GALNT1: variants seen among roughly 807,000 people sequenced by gnomAD.
GALNT1 encodes the protein polypeptide N-acetylgalactosaminyltransferase 1.
A neutral mutation model predicts 65.7 loss-of-function variants in GALNT1; 17 were observed. That is an observed-to-expected ratio of 0.26 (90% confidence interval 0.18 to 0.39). The LOEUF (loss-of-function observed/expected upper bound fraction) is 0.39. Among genes scored for constraint, GALNT1 ranks in the 10% least tolerant of loss-of-function variants. The pLI is 1.00. For missense variants in GALNT1, 460 were observed against 672.8 expected, an observed-to-expected ratio of 0.68 and a Z score of 3.50; for synonymous variants, 210 against 219.7, an observed-to-expected ratio of 0.96 and a Z score of 0.39.
chr18:35,649,794 C>A (rs1421603843), intron 1 of GALNT1, among the ~76,000 whole-genome samples: 1 of 152,110 alleles, frequency 6.6e-6, no homozygotes, highest in African/African-American at 2.4e-5. Flanking sequence ...ATATGGATAT[C>A]TAATTGTTCT....
At chr18:35,697,369 G>A (rs1371202102) in intron 9 of GALNT1, among the ~76,000 whole-genome samples, 1 of 152,132 alleles carries the variant, frequency 6.6e-6, no homozygotes, top group African/African-American at 2.4e-5. Flanking sequence ...TGGGGAGAAG[G>A]AGGTAGATTT....
Position 35,687,140 on chromosome 18 carries a change from C to A in GALNT1, c.814C>A (p.Gln272Lys), listed in dbSNP as rs757625159. 1 of 1,613,724 alleles carries A rather than the reference C, an allele frequency of 6.2e-7. No homozygotes were observed. The change falls in exon 6 of 12, where the codon CAA becomes AAA. Residue 272 changes from glutamine to lysine, a missense_variant. Coordinates refer to ENST00000269195, the MANE Select transcript of GALNT1 (RefSeq NM_020474.4). ...CAATTTTCGCTGGTATCCTGTTCCC[C>A]AAAGAGAAATGGACAGAAGGAAAGG... ...KLNFRWYPVPQREMDRRKGDR... is the reference protein window; with the variant it reads ...KLNFRWYPVPKREMDRRKGDR...
At chr18:35,586,480 G>A (rs1568010777) in intron 1 of GALNT1, among the ~76,000 whole-genome samples, 1 of 151,958 alleles carries the variant, frequency 6.6e-6, no homozygotes, top group Admixed American at 6.6e-5. Context: ...ATTCTTTTTG[G>A]TGTCAAGTCT....
At chr18:35,610,286 C>T (rs1244039709) in intron 1 of GALNT1, among the ~76,000 whole-genome samples, 3 of 152,198 alleles carry the variant, frequency 2.0e-5, no homozygotes, top group African/African-American at 7.2e-5. Flanking sequence ...CTCTTCCAGG[C>T]TGCTTCTCAT....
intron 1 of GALNT1, among the ~76,000 whole-genome samples, chr18:35,632,244 C>G (rs574769426): frequency 6.6e-6 from 1 of 152,284 alleles, no homozygotes; most frequent in South Asian, 2.1e-4. Flanking sequence ...ATTGTCAAGT[C>G]AATCCTAAGC....
Position 35,689,917 on chromosome 18 carries a change from T to C in GALNT1, c.978+627T>C, listed in dbSNP as rs1753917093. ...GAAATCACACTGACGTGTACTGTAA[T>C]CTGAACCAGCGAGCTCACTTTGTTC... On this transcript the variant is annotated intron_variant, in intron 7 of 11. Coordinates refer to ENST00000269195, the MANE Select transcript of GALNT1 (RefSeq NM_020474.4). Among the ~76,000 whole-genome samples the C allele has an allele frequency of 3.3e-5, 5 of 152,224 alleles. No homozygotes were observed. The South Asian group carries it at 1.0e-3, about 31-fold the overall frequency.
chr18:35,698,288 C>T (rs577004956), intron 9 of GALNT1, among the ~76,000 whole-genome samples: 25 of 151,512 alleles, frequency 1.7e-4, no homozygotes, highest in African/African-American at 4.8e-4. Context: ...GCCAACATGC[C>T]GAAACCCCAT....
At chr18:35,586,294 T>A (rs2046377376) in intron 1 of GALNT1, among the ~76,000 whole-genome samples, 1 of 152,232 alleles carries the variant, frequency 6.6e-6, no homozygotes, top group Non-Finnish European at 1.5e-5. Context: ...TTGTTTGTCC[T>A]TTTTACTATT....
chr18:35,583,020 C>T (rs1028956036), intron 1 of GALNT1, among the ~76,000 whole-genome samples: 1 of 152,208 alleles, frequency 6.6e-6, no homozygotes, highest in Non-Finnish European at 1.5e-5. Context: ...ATTATACATA[C>T]ATTTGTTGTG....
intron 1 of GALNT1, among the ~76,000 whole-genome samples, chr18:35,610,907 A>T (rs2046708323): frequency 6.6e-6 from 1 of 152,240 alleles, no homozygotes; most frequent in East Asian, 1.9e-4. Flanking sequence ...CAGTCTATTG[A>T]TACTGCATAT....
intron 1 of GALNT1, among the ~76,000 whole-genome samples, chr18:35,642,062 T>C (rs2047170938): frequency 1.3e-5 from 2 of 152,314 alleles, no homozygotes; most frequent in South Asian, 4.1e-4. Context: ...CAACAGACAT[T>C]GCATGACTCA....
intron 1 of GALNT1, among the ~76,000 whole-genome samples, chr18:35,654,211 T>A (rs972621046): frequency 6.6e-6 from 1 of 152,208 alleles, no homozygotes; most frequent in African/African-American, 2.4e-5. Flanking sequence ...CACTGTTGTT[T>A]TAATTTGCAT....
intron 5 of GALNT1, among the ~76,000 whole-genome samples, chr18:35,686,496 A>G (rs1183564956): frequency 1.3e-5 from 2 of 152,246 alleles, no homozygotes; most frequent in Non-Finnish European, 2.9e-5. Context: ...ATATTGATGC[A>G]GGAATTCACA....
intron 2 of GALNT1, among the ~76,000 whole-genome samples, chr18:35,661,017 A>G (rs2047470493): frequency 6.6e-6 from 1 of 152,194 alleles, no homozygotes; most frequent in African/African-American, 2.4e-5. Context: ...GCAGGATTGT[A>G]TATGCTGTAC....
intron 3 of GALNT1, among the ~76,000 whole-genome samples, chr18:35,670,955 T>C (rs1227970996): frequency 6.6e-6 from 1 of 152,122 alleles, no homozygotes; most frequent in African/African-American, 2.4e-5. Context: ...CCTCACATCA[T>C]ACAGAAAAAT....
intron 1 of GALNT1, among the ~76,000 whole-genome samples, chr18:35,601,318 G>A (rs2046579305): frequency 6.6e-6 from 1 of 151,964 alleles, no homozygotes; most frequent in African/African-American, 2.4e-5. Context: ...TTTTATTTAT[G>A]TAGGTCCTCT....
At chr18:35,648,626 C>T (rs2047268437) in intron 1 of GALNT1, among the ~76,000 whole-genome samples, 1 of 152,130 alleles carries the variant, frequency 6.6e-6, no homozygotes, top group Admixed American at 6.5e-5. Flanking sequence ...TAGTTACTTC[C>T]AAAATGAATT....
chr18:35,625,669 T>C (rs1490894069), intron 1 of GALNT1, among the ~76,000 whole-genome samples: 1 of 152,134 alleles, frequency 6.6e-6, no homozygotes, highest in East Asian at 1.9e-4. Flanking sequence ...ATTTGGGGGA[T>C]TCCATGACCA....
At chr18:35,704,690 G>A (rs1239524915) in intron 11 of GALNT1, among the ~76,000 whole-genome samples, 1 of 151,214 alleles carries the variant, frequency 6.6e-6, no homozygotes. Context: ...TATCGCCCAG[G>A]CTGGAGTGCA....
Sources: gnomAD v4.1 joint callset for allele counts (sites outside exome capture counted in the v4.1 genomes callset) on GRCh38, gnomAD v4.1.1 for gene constraint, MANE v1.5 for transcripts, NCBI Gene and HGNC (gene_info 2026-07-23, HGNC 2026-07-21) for gene names.